Variants in HTRA4 observed in about 807,000 individuals in gnomAD.
HTRA4 encodes the protein HtrA serine peptidase 4.
In HTRA4, 46 loss-of-function variants were observed where a neutral mutation model predicts 49.1. The ratio of observed to expected loss-of-function variants is 0.94; its 90% CI spans 0.74 to 1.20. The LOEUF is 1.20. Among genes scored for constraint, HTRA4 ranks in the 50% most tolerant of loss-of-function variants. The pLI, the probability that HTRA4 is intolerant of heterozygous loss-of-function variation, is 0.00. For missense variants in HTRA4, 602 were observed against 636.9 expected, an observed-to-expected ratio of 0.95 and a Z score of 0.59; for synonymous variants, 261 against 264.0, an observed-to-expected ratio of 0.99 and a Z score of 0.11.
chr8:38,982,946 C>T lies in HTRA4; in HGVS notation c.1173-7C>T. ...TCATTGTTTCCTAATCTTCTCACTT[C>T]TCTTAGCCTTAGTGAAGAATTGAAA... is the stretch of plus-strand genomic sequence containing the variant. On this transcript the variant is annotated splice_region_variant and splice_polypyrimidine_tract_variant and intron_variant, in intron 7 of 8. Transcript: ENST00000302495. 6.3e-7 allele frequency: 1 copy of T among 1,595,672 alleles called. No homozygotes were observed.
At chr8:38,976,155 T>C (rs1835348557) in intron 2 of HTRA4, among the ~76,000 whole-genome samples, 1 of 152,210 alleles carries the variant, frequency 6.6e-6, no homozygotes, top group South Asian at 2.1e-4. Flanking sequence ...CTCATGCCTG[T>C]AATCCCAGCA....
At chr8:38,983,440 C>T (rs1296526578) in intron 8 of HTRA4, among the ~76,000 whole-genome samples, 2 of 151,864 alleles carry the variant, frequency 1.3e-5, no homozygotes, top group South Asian at 2.1e-4. Context: ...GCAGGAGAAT[C>T]GCTTGAACAT....
chr8:38,974,742 GGC>G lies in HTRA4; in HGVS notation c.466+20_466+21del. 1.4e-6 allele frequency: 2 copies of G among 1,417,628 alleles called. No homozygotes were observed. The highest frequency in any genetic ancestry group is 1.8e-6 in the Non-Finnish European group (2 of 1,092,666). 87.8% of individuals were successfully genotyped at this position (1,417,628 alleles called of 1,614,324 possible). Reference sequence around the variant, plus strand: ...TGCGGGGATACAGGTGAGCCGCGGGGGCGCGCGCCCTCGGAACACTTTCTAAC... The same window carrying G: ...TGCGGGGATACAGGTGAGCCGCGGGGGCGCGCCCTCGGAACACTTTCTAAC... On this transcript the variant is annotated intron_variant, in intron 1 of 8. Coordinates refer to ENST00000302495, the MANE Select transcript of HTRA4 (RefSeq NM_153692.4).
At chr8:38,978,993 C>CAAA (rs34275087) in intron 4 of HTRA4, among the ~76,000 whole-genome samples, 15 of 120,242 alleles carry the variant, frequency 1.2e-4, no homozygotes, top group African/African-American at 1.9e-4. Context: ...GACTCCGTCT[C>CAAA]AAAAAAAAAA....
chr8:38,983,870 G>A (rs1333210583), intron 8 of HTRA4, among the ~76,000 whole-genome samples: 1 of 151,970 alleles, frequency 6.6e-6, no homozygotes, highest in African/African-American at 2.4e-5. Flanking sequence ...CATGTTATGA[G>A]TTAATAGCAT....
At chr8:38,974,795 C>G (rs1271838868) in intron 1 of HTRA4, 66 bp downstream of exon 1, 1 of 1,374,576 alleles carries the variant, frequency 7.3e-7, no homozygotes, top group Non-Finnish European at 9.6e-7. Flanking sequence ...AGGAACAAGA[C>G]CTCACTGAGA....
chr8:38,980,424 C>T (rs760777716), intron 5 of HTRA4, among the ~76,000 whole-genome samples: 6 of 152,068 alleles, frequency 3.9e-5, no homozygotes, highest in Non-Finnish European at 8.8e-5. Context: ...TGTAGTTTAA[C>T]ACAATCAGAA....
chr8:38,983,102 C>T (rs969995861), intron 8 of HTRA4, 54 bp downstream of exon 8: 2 of 1,230,684 alleles, frequency 1.6e-6, no homozygotes, highest in African/African-American at 1.5e-5. Context: ...AAATGTGTGC[C>T]ATGGTAAAAT....
intron 5 of HTRA4, among the ~76,000 whole-genome samples, chr8:38,981,181 G>A (rs1353239362): frequency 7.2e-6 from 1 of 139,664 alleles, no homozygotes; most frequent in Non-Finnish European, 1.5e-5. Flanking sequence ...CCGGGTTCAC[G>A]CCATTCTCCT....
rs1356351451 is a variant in HTRA4 at position 38,979,216 on chromosome 8, A to G, written c.968A>G (p.Tyr323Cys). The G allele has an allele frequency of 1.9e-6, 3 of 1,612,576 alleles. No individual in the cohort carries two copies. The highest frequency in any genetic ancestry group is 1.7e-5 in the Admixed American group (1 of 60,008). ...GTCTTTTTCAAATTCTGCTTTTAGT[A>G]TGGGAATTCTGGTGGTCCTCTGGTG... ...DYVQIDATIN[Y>C]GNSGGPLVNL... The change falls in exon 5 of 9, where the codon TAT (tyrosine) becomes TGT (cysteine). Residue 323 changes from tyrosine to cysteine, a missense_variant and splice_region_variant. Transcript: ENST00000302495.
chr8:38,986,695 G>A (rs1241954673), intron 8 of HTRA4, among the ~76,000 whole-genome samples: 1 of 152,248 alleles, frequency 6.6e-6, no homozygotes, highest in Admixed American at 6.5e-5. Flanking sequence ...TCAGAGAGCA[G>A]AGAGCAGGGA....
At chr8:38,977,881 CTT>C in intron 3 of HTRA4, 70 bp from the exon 4 acceptor site, 1 of 1,510,980 alleles carries the variant, frequency 6.6e-7, no homozygotes, top group Non-Finnish European at 9.1e-7. Context: ...TAGACACACA[CTT>C]TGGTCAATTC....
At chr8:38,977,182 C>A (rs547767210) in intron 3 of HTRA4, among the ~76,000 whole-genome samples, 2 of 152,012 alleles carry the variant, frequency 1.3e-5, no homozygotes, top group East Asian at 3.9e-4. Context: ...GTGATCCGCC[C>A]GCTTCGGCCT....
chr8:38,977,871 T>C, intron 3 of HTRA4, 82 bp from the exon 4 acceptor site: 3 of 1,413,288 alleles, frequency 2.1e-6, no homozygotes, highest in African/African-American at 1.4e-5. Flanking sequence ...ATATATGTGT[T>C]AGACACACAC....
chr8:38,982,428 A>G (rs1835434520), intron 6 of HTRA4, 70 bp from the exon 7 acceptor site: 2 of 1,299,762 alleles, frequency 1.5e-6, no homozygotes, highest in Non-Finnish European at 2.2e-6. Context: ...ATCCTGGGAC[A>G]TGGGTGTCTT....
At position 38,976,595 on chromosome 8, in the gene HTRA4, G is replaced by A. The variant is rs1206811851; in HGVS notation, c.627G>A (p.Glu209=). 1 of 1,614,156 alleles carries A rather than the reference G, an allele frequency of 6.2e-7. No homozygotes were observed. Reference sequence around the variant, plus strand: ...GTGGCTCTGGGTTCATAGTGTCTGAGGACGGGCTCATTATTACCAATGCCC... The same window carrying A: ...GTGGCTCTGGGTTCATAGTGTCTGAAGACGGGCTCATTATTACCAATGCCC... ...VYSGSGFIVS[E]DGLIITNAHV... Residue 209 remains glutamate, a synonymous_variant, in exon 3 of 9, where the codon GAG becomes GAA. Coordinates refer to ENST00000302495, the MANE Select transcript of HTRA4 (RefSeq NM_153692.4).
Position 38,983,065 on chromosome 8 carries a change from C to T in HTRA4, c.1268+17C>T, listed in dbSNP as rs2129427691. 6.5e-7 allele frequency: 1 copy of T among 1,538,216 alleles called. No individual in the cohort carries two copies. Among genetic ancestry groups the T allele is most frequent in the Non-Finnish European group, 9.0e-7 (1 of 1,113,858 alleles). ...TGCTCAAAGGTAAGAGAAGTGAAGG[C>T]CTTTGTCATCTACCTTTGCTTTTTC... is the stretch of plus-strand genomic sequence containing the variant. On this transcript the variant is annotated intron_variant, in intron 8 of 8. Transcript: ENST00000302495.
intron 5 of HTRA4, among the ~76,000 whole-genome samples, 163 bp from the exon 6 acceptor site, chr8:38,981,490 C>T (rs893098861): frequency 6.6e-6 from 1 of 152,024 alleles, no homozygotes; most frequent in African/African-American, 2.4e-5. Context: ...CACTATTTGC[C>T]CTATAAAGGA....
At chr8:38,984,382 G>T (rs1223190280) in intron 8 of HTRA4, among the ~76,000 whole-genome samples, 1 of 151,950 alleles carries the variant, frequency 6.6e-6, no homozygotes, top group Non-Finnish European at 1.5e-5. Flanking sequence ...GGAGGCTGAG[G>T]TGGGAGGATT....
Sources: gnomAD v4.1 joint callset for allele counts (sites outside exome capture counted in the v4.1 genomes callset) on GRCh38, gnomAD v4.1.1 for gene constraint, MANE v1.5 for transcripts, NCBI Gene and HGNC (gene_info 2026-07-23, HGNC 2026-07-21) for gene names.